SUCLG1: variants seen among roughly 807,000 people sequenced by gnomAD.
The protein encoded by SUCLG1 is succinate--CoA ligase [ADP/GDP-forming] subunit alpha, mitochondrial.
Under a neutral mutation model 37.3 loss-of-function variants are expected in SUCLG1, and 26 were observed. The observed-to-expected ratio is 0.70, with a 90% CI of 0.51 to 0.97. SUCLG1 has a LOEUF of 0.97. SUCLG1 is among the 50% of genes least tolerant of loss of function. The pLI is 0.00. For missense variants in SUCLG1, 433 were observed against 432.9 expected (o/e 1.00, Z 0.00); for synonymous variants, 163 against 155.6 (o/e 1.05, Z -0.36).
chr2:84,456,746 C>T (rs981689129), intron 1 of SUCLG1, among the ~76,000 whole-genome samples: 1 of 152,190 alleles, frequency 6.6e-6, no homozygotes, highest in Non-Finnish European at 1.5e-5. Flanking sequence ...TCACTGCAAG[C>T]TCCACCTCCC....
chr2:84,442,087 T>A (rs907765036), intron 3 of SUCLG1, among the ~76,000 whole-genome samples: 1 of 151,854 alleles, frequency 6.6e-6, no homozygotes, highest in Non-Finnish European at 1.5e-5. Flanking sequence ...GTCAAAAAAC[T>A]TATAGAATAT....
intron 8 of SUCLG1, 85 bp from the exon 9 acceptor site, chr2:84,423,857 GA>G (rs1672492789): frequency 7.1e-7 from 1 of 1,399,814 alleles, no homozygotes; most frequent in Non-Finnish European, 9.9e-7. Flanking sequence ...AAATGATTTT[GA>G]AACCTATTAT....
chr2:84,449,004 T>G (rs912844216), intron 2 of SUCLG1: 2 of 349,812 alleles, frequency 5.7e-6, no homozygotes, highest in African/African-American at 4.5e-5. Flanking sequence ...CATTTTATTA[T>G]AGAATTGCAT....
chr2:84,434,570 T>C (rs867650678), intron 5 of SUCLG1, among the ~76,000 whole-genome samples: 1 of 152,184 alleles, frequency 6.6e-6, no homozygotes, highest in Admixed American at 6.5e-5. Flanking sequence ...AGCCACAATC[T>C]ATGTAATACT....
chr2:84,425,896 G>C, intron 7 of SUCLG1: 1 of 416,084 alleles, frequency 2.4e-6, no homozygotes, highest in South Asian at 2.4e-5. Flanking sequence ...AAGTAAAAGA[G>C]CATACTGGAA....
chr2:84,451,609 G>A (rs905823306), intron 1 of SUCLG1, among the ~76,000 whole-genome samples: 1 of 152,180 alleles, frequency 6.6e-6, no homozygotes, highest in East Asian at 1.9e-4. Flanking sequence ...ATTCTATGGA[G>A]CTCAAGATTT....
intron 5 of SUCLG1, among the ~76,000 whole-genome samples, chr2:84,438,853 G>C (rs905660433): frequency 6.6e-6 from 1 of 152,170 alleles, no homozygotes; most frequent in Non-Finnish European, 1.5e-5. Context: ...GCACTAACCA[G>C]TGCTCTATAA....
Position 84,446,203 on chromosome 2 carries a change from C to T in SUCLG1, c.202-2803G>A, listed in dbSNP as rs184009190. The stretch of plus-strand genomic sequence containing the variant: ...CTACACACACTCCTCCTTTCCCCGG[C>T]TTATTTCTTCCATAGCAATTATACT... On this transcript the variant is annotated intron_variant, in intron 2 of 8. Coordinates refer to ENST00000393868, the MANE Select transcript of SUCLG1 (RefSeq NM_003849.4). 3.3e-5 allele frequency among the ~76,000 whole-genome samples: 5 copies of T among 152,336 alleles called. No homozygotes were observed. The East Asian group carries it at 9.6e-4, about 29-fold the overall frequency.
chr2:84,440,539 T>A (rs982561512), intron 5 of SUCLG1, among the ~76,000 whole-genome samples: 1 of 152,238 alleles, frequency 6.6e-6, no homozygotes. Flanking sequence ...GAACATGACT[T>A]AGCAATTCCA....
Position 84,423,597 on chromosome 2 carries a change from C to T in SUCLG1, c.*149G>A. 2.7e-6 allele frequency: 2 copies of T among 746,830 alleles called. No homozygotes were observed. The highest frequency in any genetic ancestry group is 4.8e-6 in the Non-Finnish European group (2 of 420,606). The allele number at this position is 746,830 out of a possible 1,614,324, so 46.3% of individuals were successfully genotyped here. ...GTGGTGAAAACATCTTAATTCAGGA[C>T]ATCTTCCACCTTGTTTTGGCTTCCA... On this transcript the variant is annotated 3_prime_UTR_variant, in exon 9 of 9. Transcript: ENST00000393868.
chr2:84,430,378 A>G (rs1672597257), intron 7 of SUCLG1, among the ~76,000 whole-genome samples: 1 of 152,236 alleles, frequency 6.6e-6, no homozygotes, highest in Non-Finnish European at 1.5e-5. Context: ...CCAAGGTCAT[A>G]TAGCTTCTAA....
intron 8 of SUCLG1, among the ~76,000 whole-genome samples, chr2:84,424,069 T>C (rs1036546149): frequency 1.3e-5 from 2 of 152,216 alleles, no homozygotes; most frequent in African/African-American, 4.8e-5. Context: ...CACAGCAGTA[T>C]AATAACAATA....
chr2:84,443,192 T>A, intron 3 of SUCLG1, 92 bp downstream of exon 3: 1 of 1,142,938 alleles, frequency 8.7e-7, no homozygotes, highest in Non-Finnish European at 1.3e-6. Flanking sequence ...CAAGTGACTC[T>A]ACCAAAAAAA....
intron 8 of SUCLG1, among the ~76,000 whole-genome samples, chr2:84,424,099 T>C (rs1045632426): frequency 6.6e-6 from 1 of 152,218 alleles, no homozygotes; most frequent in African/African-American, 2.4e-5. Flanking sequence ...GCTGAGAAAC[T>C]TCATTATGCT....
At chr2:84,458,986 G>A (rs192508705) in intron 1 of SUCLG1, among the ~76,000 whole-genome samples, 187 bp downstream of exon 1, 2 of 152,196 alleles carry the variant, frequency 1.3e-5, no homozygotes, top group Non-Finnish European at 2.9e-5. Context: ...CATGCCCCCC[G>A]CCCCACGTAT....
At chr2:84,431,756 C>T (rs1325180819) in intron 6 of SUCLG1, 97 bp from the exon 7 acceptor site, 38 of 1,266,248 alleles carry the variant, frequency 3.0e-5, no homozygotes, top group Non-Finnish European at 4.1e-5. Context: ...ATTTTTCTTA[C>T]CCTTCTCTCT....
At chr2:84,444,703 C>CTGGG (rs941174534) in intron 2 of SUCLG1, among the ~76,000 whole-genome samples, 10 of 152,162 alleles carry the variant, frequency 6.6e-5, no homozygotes, top group Non-Finnish European at 1.5e-4. Flanking sequence ...CTACGGGAGA[C>CTGGG]TGGGGCTTAT....
intron 7 of SUCLG1, among the ~76,000 whole-genome samples, chr2:84,429,998 C>T (rs1672592055): frequency 1.3e-5 from 2 of 152,060 alleles, no homozygotes; most frequent in African/African-American, 4.8e-5. Context: ...ATCTTGGTAA[C>T]TGAGTAGAAA....
intron 5 of SUCLG1, among the ~76,000 whole-genome samples, chr2:84,438,607 T>G: frequency 6.6e-6 from 1 of 152,294 alleles, no homozygotes; most frequent in South Asian, 2.1e-4. Context: ...TTGAGACTAT[T>G]AGCAATGGTA....
Sources: gnomAD v4.1 joint callset for allele counts (sites outside exome capture counted in the v4.1 genomes callset) on GRCh38, gnomAD v4.1.1 for gene constraint, MANE v1.5 for transcripts, NCBI Gene and HGNC (gene_info 2026-07-23, HGNC 2026-07-21) for gene names.